Variants in GMDS observed in about 807,000 individuals in gnomAD.
GMDS encodes GDP-mannose 4,6-dehydratase.
In GMDS, 20 loss-of-function variants were observed where a neutral mutation model predicts 49.9. That is an observed-to-expected ratio of 0.40 (90% CI 0.28 to 0.58). GMDS has a LOEUF of 0.58. Among genes scored for constraint, GMDS ranks in the 20% least tolerant of loss-of-function variants. The pLI, the probability that GMDS is intolerant of heterozygous loss-of-function variation, is 0.42. For synonymous variants in GMDS, 177 were observed against 178.6 expected (o/e 0.99, Z 0.07); for missense variants, 362 against 481.4 (o/e 0.75, Z 2.32).
At chr6:2,155,835 C>T (rs533123974) in intron 1 of GMDS, among the ~76,000 whole-genome samples, 2 of 151,992 alleles carry the variant, frequency 1.3e-5, no homozygotes, top group East Asian at 3.9e-4. Flanking sequence ...TAAATTAGGT[C>T]GTGAAGATTT....
intron 7 of GMDS, among the ~76,000 whole-genome samples, chr6:1,868,624 T>G (rs1253741291): frequency 6.6e-6 from 1 of 152,204 alleles, no homozygotes; most frequent in East Asian, 1.9e-4. Flanking sequence ...GATGAAAAAT[T>G]TTATCTCAAA....
chr6:1,878,207 T>C (rs1030556366), intron 7 of GMDS, among the ~76,000 whole-genome samples: 16 of 146,204 alleles, frequency 1.1e-4, no homozygotes, highest in South Asian at 4.3e-4. Context: ...CCCAGCTACT[T>C]GGGAGGCTGA....
At chr6:2,072,788 C>T (rs1433135144) in intron 4 of GMDS, among the ~76,000 whole-genome samples, 1 of 152,174 alleles carries the variant, frequency 6.6e-6, no homozygotes, top group Non-Finnish European at 1.5e-5. Flanking sequence ...AACATTTTCA[C>T]TTTGTTATTC....
chr6:2,192,458 T>C (rs1779073986), intron 1 of GMDS, among the ~76,000 whole-genome samples: 1 of 152,190 alleles, frequency 6.6e-6, no homozygotes, highest in Non-Finnish European at 1.5e-5. Context: ...GGCTGAAACA[T>C]GCTCCTCACT....
At chr6:1,772,298 A>G (rs539097829) in intron 7 of GMDS, among the ~76,000 whole-genome samples, 5 of 152,344 alleles carry the variant, frequency 3.3e-5, no homozygotes, top group Admixed American at 2.6e-4. Context: ...TGTTTCTTAT[A>G]ATTGGAAAGT....
At chr6:1,719,410 G>A (rs1412272421) in intron 9 of GMDS, among the ~76,000 whole-genome samples, 1 of 152,174 alleles carries the variant, frequency 6.6e-6, no homozygotes, top group Non-Finnish European at 1.5e-5. Context: ...AGTGTCTGCA[G>A]AGCAACTGTT....
At chr6:1,729,125 G>C (rs1020020628) in intron 8 of GMDS, among the ~76,000 whole-genome samples, 2 of 152,192 alleles carry the variant, frequency 1.3e-5, no homozygotes, top group African/African-American at 4.8e-5. Context: ...TGCACGGCTA[G>C]ACTGCTTGAA....
chr6:1,649,372 A>T (rs181066774), intron 9 of GMDS, among the ~76,000 whole-genome samples: 98 of 152,326 alleles, frequency 6.4e-4, no homozygotes, highest in Non-Finnish European at 1.3e-3. Flanking sequence ...TTTAGTTCAA[A>T]TTGAGGTCAG....
At chr6:2,242,692 GAGATCTGGGTTC>G (rs560733095) in intron 1 of GMDS, among the ~76,000 whole-genome samples, 196 of 152,316 alleles carry the variant, frequency 1.3e-3, no homozygotes, top group African/African-American at 4.2e-3. Flanking sequence ...AGCAACTGCT[GAGATCTGGGTTC>G]AGATCTCAGT....
Position 1,853,784 on chromosome 6 carries a change from A to G in GMDS, c.771+76319T>C, listed in dbSNP as rs185710270. 7.6e-4 allele frequency among the ~76,000 whole-genome samples: 116 copies of G among 152,342 alleles called. 1 individual carries two copies. Among genetic ancestry groups the G allele is most frequent in the Non-Finnish European group, 4.0e-4 (27 of 68,032 alleles). On this transcript the variant is annotated intron_variant, in intron 7 of 10. Transcript: ENST00000380815. ...ATTCTTATCAGTTTGAGTTGTCCAT[A>G]TATGGAGAAATATATCAATTCTATG...
intron 7 of GMDS, among the ~76,000 whole-genome samples, chr6:1,857,033 T>A (rs1007864400): frequency 1.1e-4 from 16 of 152,334 alleles, no homozygotes; most frequent in Non-Finnish European, 1.9e-4. Context: ...CGAATAGATT[T>A]CTACCTCTAT....
intron 7 of GMDS, among the ~76,000 whole-genome samples, chr6:1,781,900 C>A (rs2113612232): frequency 6.6e-6 from 1 of 151,462 alleles, no homozygotes; most frequent in African/African-American, 2.4e-5. Context: ...AGAATCCCAG[C>A]TGTCCTGAAA....
At chr6:1,701,446 A>G (rs145922413) in intron 9 of GMDS, among the ~76,000 whole-genome samples, 207 of 152,324 alleles carry the variant, frequency 1.4e-3, no homozygotes, top group Middle Eastern at 0.01. Flanking sequence ...ACATGTTTTC[A>G]AAACACATGA....
rs142444983 is a variant in GMDS at position 1,677,592 on chromosome 6, T to C, written c.987+48824A>G. Among the ~76,000 whole-genome samples, 58 of 152,168 alleles carry C rather than the reference T, an allele frequency of 3.8e-4. 1 individual carries two copies. The East Asian group carries it at 0.011, about 29-fold the overall frequency. On this transcript the variant is annotated intron_variant, in intron 9 of 10. Coordinates refer to ENST00000380815, the MANE Select transcript of GMDS (RefSeq NM_001500.4). ...CTGGATTAAGAAAATGTGGCACATA[T>C]ACATCATGGAATACTTTGCAGCCAT...
chr6:1,990,271 G>C (rs11242727), intron 4 of GMDS, among the ~76,000 whole-genome samples: 5,429 of 152,228 alleles, frequency 0.036, 230 homozygotes, highest in African/African-American at 0.098. Context: ...ACTCCAGCCT[G>C]GGAGACAGAG....
At chr6:1,733,751 C>T (rs1312516647) in intron 8 of GMDS, among the ~76,000 whole-genome samples, 1 of 152,014 alleles carries the variant, frequency 6.6e-6, no homozygotes, top group Non-Finnish European at 1.5e-5. Flanking sequence ...ACTTGTGAGG[C>T]AGAGGTGGGA....
In GMDS at chr6:2,064,115, C is replaced by G. The variant is rs562294417; in HGVS notation, c.345+51656G>C. Reference sequence around the variant, plus strand: ...ATTTAAAACACCAACAAAAGGCACCCAATAAAACGGCTTTCAGAATACAAA... The same window carrying G: ...ATTTAAAACACCAACAAAAGGCACCGAATAAAACGGCTTTCAGAATACAAA... On this transcript the variant is annotated intron_variant, in intron 4 of 10. Transcript: ENST00000380815. Among the ~76,000 whole-genome samples the G allele has an allele frequency of 1.1e-3, 166 of 152,200 alleles. 2 individuals carry two copies. The South Asian group carries it at 0.024, about 22-fold the overall frequency.
At chr6:1,803,347 A>G (rs1394105442) in intron 7 of GMDS, among the ~76,000 whole-genome samples, 2 of 152,182 alleles carry the variant, frequency 1.3e-5, no homozygotes, top group East Asian at 3.8e-4. Context: ...GGCTGTAAAC[A>G]CCAGTCAATG....
At chr6:1,959,128 A>T (rs1158079515) in intron 6 of GMDS, among the ~76,000 whole-genome samples, 1 of 152,212 alleles carries the variant, frequency 6.6e-6, no homozygotes, top group African/African-American at 2.4e-5. Flanking sequence ...AAGAATATAA[A>T]ATTATAGCTA....
Sources: allele counts gnomAD v4.1 joint callset (sites outside exome capture counted in the v4.1 genomes callset), GRCh38; gene constraint gnomAD v4.1.1; transcripts MANE v1.5; gene names NCBI Gene and HGNC (gene_info 2026-07-23, HGNC 2026-07-21).